The following ADRA1A variants were observed in gnomAD, a reference collection of about 807,000 sequenced individuals.
The protein encoded by ADRA1A is adrenoceptor alpha 1A.
ADRA1A carries 31 observed loss-of-function variants against 29.6 expected under a neutral mutation model. That is an observed-to-expected ratio of 1.05 (90% CI 0.79 to 1.41). The LOEUF is 1.41. Ranked by LOEUF, ADRA1A falls within the 40% of genes most tolerant of loss-of-function variation. The pLI, the probability that ADRA1A is intolerant of heterozygous loss-of-function variation, is 0.00. For synonymous variants in ADRA1A, 311 were observed against 254.3 expected, an observed-to-expected ratio of 1.22 and a Z score of -2.12; for missense variants, 619 against 601.1, an observed-to-expected ratio of 1.03 and a Z score of -0.31.
chr8:26,811,474 G>A (rs1488930852), intron 2 of ADRA1A, among the ~76,000 whole-genome samples: 1 of 152,168 alleles, frequency 6.6e-6, no homozygotes, highest in Non-Finnish European at 1.5e-5. Context: ...TTACAGGCGT[G>A]AGCCACCGCG....
At chr8:26,771,244 T>C (rs1806118164) in intron 2 of ADRA1A, among the ~76,000 whole-genome samples, 1 of 152,248 alleles carries the variant, frequency 6.6e-6, no homozygotes, top group Non-Finnish European at 1.5e-5. Flanking sequence ...ATGATGTCTT[T>C]TGATGTCACC....
chr8:26,819,848 T>C (rs1810030055), intron 2 of ADRA1A, among the ~76,000 whole-genome samples: 1 of 152,096 alleles, frequency 6.6e-6, no homozygotes, highest in Non-Finnish European at 1.5e-5. Context: ...TCCAAAAACA[T>C]GCTGCCTAGA....
At chr8:26,824,228 G>A (rs1055135055) in intron 2 of ADRA1A, among the ~76,000 whole-genome samples, 3 of 151,900 alleles carry the variant, frequency 2.0e-5, no homozygotes, top group African/African-American at 7.3e-5. Context: ...ACAGAATCAC[G>A]AACAGTTTAA....
chr8:26,791,196 G>T (rs1308277971), intron 2 of ADRA1A, among the ~76,000 whole-genome samples: 1 of 152,066 alleles, frequency 6.6e-6, no homozygotes, highest in Non-Finnish European at 1.5e-5. Flanking sequence ...TTCATTGCAT[G>T]AATATAACAA....
intron 2 of ADRA1A, among the ~76,000 whole-genome samples, chr8:26,807,866 C>T (rs1481115737): frequency 6.6e-6 from 1 of 152,160 alleles, no homozygotes; most frequent in Non-Finnish European, 1.5e-5. Context: ...CTCCCCTCCT[C>T]CTTTGCAAGG....
intron 2 of ADRA1A, among the ~76,000 whole-genome samples, chr8:26,800,078 G>A (rs1808463143): frequency 6.6e-6 from 1 of 152,096 alleles, no homozygotes; most frequent in Admixed American, 6.6e-5. Context: ...GATCATCATT[G>A]TGAAACCCTG....
chr8:26,782,761 A>C (rs1807087981), intron 2 of ADRA1A, among the ~76,000 whole-genome samples: 3 of 152,172 alleles, frequency 2.0e-5, no homozygotes. Context: ...TCCGTCCTGC[A>C]CACACAACTA....
chr8:26,849,915 G>A, intron 2 of ADRA1A, among the ~76,000 whole-genome samples: 1 of 151,426 alleles, frequency 6.6e-6, no homozygotes, highest in East Asian at 1.9e-4. Context: ...GAGGGAATAT[G>A]GAGATTGTGT....
intron 2 of ADRA1A, among the ~76,000 whole-genome samples, chr8:26,863,875 A>C (rs1276294870): frequency 1.3e-5 from 2 of 152,234 alleles, no homozygotes; most frequent in Non-Finnish European, 2.9e-5. Flanking sequence ...TACAGTCGAA[A>C]AAGTGCTCTA....
At chr8:26,855,736 TAAAG>T (rs1389184218) in intron 2 of ADRA1A, among the ~76,000 whole-genome samples, 2 of 151,450 alleles carry the variant, frequency 1.3e-5, no homozygotes, top group Non-Finnish European at 2.9e-5. Flanking sequence ...TCCCAGAACT[TAAAG>T]AAAAAAATAA....
At chr8:26,832,301 C>T (rs186640538) in intron 2 of ADRA1A, among the ~76,000 whole-genome samples, 2 of 152,180 alleles carry the variant, frequency 1.3e-5, no homozygotes, top group African/African-American at 4.8e-5. Flanking sequence ...ATTGCAAGCA[C>T]GCATTCCCTT....
At chr8:26,824,881 G>C (rs1810437046) in intron 2 of ADRA1A, among the ~76,000 whole-genome samples, 1 of 152,140 alleles carries the variant, frequency 6.6e-6, no homozygotes, top group African/African-American at 2.4e-5. Flanking sequence ...CTTTATTCCT[G>C]GAAGAAAAGA....
chr8:26,861,303 G>GTTTT (rs35538353), intron 2 of ADRA1A, among the ~76,000 whole-genome samples: 8,533 of 119,274 alleles, frequency 0.072, 720 homozygotes, highest in Non-Finnish European at 0.11. Flanking sequence ...CAGAGGCTCT[G>GTTTT]TTTTTTTTTT....
chr8:26,829,807 A>T (rs1810837225), intron 2 of ADRA1A, among the ~76,000 whole-genome samples: 1 of 152,170 alleles, frequency 6.6e-6, no homozygotes, highest in Non-Finnish European at 1.5e-5. Flanking sequence ...CAATTCCATA[A>T]CACATCACTT....
intron 2 of ADRA1A, among the ~76,000 whole-genome samples, chr8:26,777,919 G>A (rs1806671739): frequency 6.6e-6 from 1 of 152,180 alleles, no homozygotes; most frequent in Non-Finnish European, 1.5e-5. Context: ...GTTGGTCTAT[G>A]GTTACTGTGA....
rs75155817 is a variant in ADRA1A at position 26,806,041 on chromosome 8, G to T, written c.884-35375C>A. Among the ~76,000 whole-genome samples the T allele has an allele frequency of 1.3e-5, 2 of 152,124 alleles. No homozygotes were observed. The highest frequency in any genetic ancestry group is 4.8e-5 in the African/African-American group (2 of 41,446). ...TTCCCTGAGGCCACTTGTGGCAGCC[G>T]CCAATGTGCTTGCTCTTCCTATTTT... On this transcript the variant is annotated intron_variant, in intron 2 of 2. Coordinates refer to ENST00000380573, the MANE Select transcript of ADRA1A (RefSeq NM_000680.4). The surrounding 1 kb of genome is among the most constrained non-coding windows in gnomAD (Gnocchi z 4.6).
chr8:26,813,333 A>G (rs952645465), intron 2 of ADRA1A, among the ~76,000 whole-genome samples: 22 of 152,210 alleles, frequency 1.4e-4, no homozygotes, highest in African/African-American at 5.3e-4. Context: ...AGAAGAAGGC[A>G]AAACAACTAT....
At position 26,866,867 on chromosome 8, in the gene ADRA1A, C is replaced by T. The variant is rs1362448304; in HGVS notation, c.-687+69G>A. 6.1e-6 allele frequency: 6 copies of T among 985,374 alleles called. No individual in the cohort carries two copies. Among genetic ancestry groups the T allele is most frequent in the Non-Finnish European group, 7.2e-6 (6 of 830,050 alleles). The allele number at this position is 985,374 out of a possible 1,614,324, so 61.0% of individuals were successfully genotyped here. On this transcript the variant is annotated intron_variant, in intron 1 of 2. Coordinates refer to ENST00000380573, the MANE Select transcript of ADRA1A (RefSeq NM_000680.4). This position sits in a 1 kb window ranked among gnomAD's most constrained non-coding sequence, Gnocchi z 5.7. Reference sequence around the variant, plus strand: ...GCTGGGAAAAGTGGGGGTTCCGTCTCACCAGACGGCGGGGGAGGTCTGCCC... The same window carrying T: ...GCTGGGAAAAGTGGGGGTTCCGTCTTACCAGACGGCGGGGGAGGTCTGCCC...
chr8:26,839,525 A>G lies in ADRA1A; in HGVS notation c.883+24562T>C, dbSNP rs1272086901. Reference sequence around the variant, plus strand: ...AGCCTCCTCTGACTGTACCTGTACAATGATTTTGGTCCTTTATTGGGCTTA... The same window carrying G: ...AGCCTCCTCTGACTGTACCTGTACAGTGATTTTGGTCCTTTATTGGGCTTA... On this transcript the variant is annotated intron_variant, in intron 2 of 2. Transcript: ENST00000380573. 2.0e-5 allele frequency among the ~76,000 whole-genome samples: 3 copies of G among 152,260 alleles called. No individual in the cohort carries two copies. In the Middle Eastern group the frequency reaches 0.01, roughly 518 times the overall value.
Sources: gnomAD v4.1 joint callset for allele counts (sites outside exome capture counted in the v4.1 genomes callset) on GRCh38, gnomAD v4.1.1 for gene constraint, Gnocchi (gnomAD v3.1) non-coding constraint, MANE v1.5 for transcripts, NCBI Gene and HGNC (gene_info 2026-07-23, HGNC 2026-07-21) for gene names.